The following TNKS variants were observed in gnomAD, a reference collection of about 807,000 sequenced individuals.
TNKS encodes poly [ADP-ribose] polymerase tankyrase-1.
Under a neutral mutation model 135.8 loss-of-function variants are expected in TNKS, and 72 were observed. The observed-to-expected ratio is 0.53, with a 90% CI of 0.44 to 0.64. The LOEUF (loss-of-function observed/expected upper bound fraction) is 0.64. Ranked by LOEUF, TNKS falls within the 30% of genes least tolerant of loss-of-function variation. The probability of loss-of-function intolerance (pLI) is 0.00; values close to 1 mark genes in which losing one functional copy is unlikely to be tolerated. For missense variants in TNKS, 1,769 were observed against 1,674.0 expected (o/e 1.06, Z -0.99); for synonymous variants, 849 against 649.3 (o/e 1.31, Z -4.68).
intron 2 of TNKS, among the ~76,000 whole-genome samples, chr8:9,601,102 A>G (rs754233310): frequency 3.3e-5 from 5 of 152,222 alleles, no homozygotes; most frequent in African/African-American, 1.2e-4. Context: ...ATATCCCATT[A>G]TAAAAATAAC....
At chr8:9,591,484 C>T (rs1798588776) in intron 2 of TNKS, among the ~76,000 whole-genome samples, 1 of 152,186 alleles carries the variant, frequency 6.6e-6, no homozygotes, top group South Asian at 2.1e-4. Context: ...GCACATTGGA[C>T]TGTAAAAGAA....
At position 9,734,948 on chromosome 8, in the gene TNKS, C is replaced by T; in HGVS notation, c.2397C>T (p.Asp799=). ...AGGAAGGAGACACAGATATTCAGGACTTACTGAGAGGGGATGCTGCTTTGT... is the reference window on the plus strand; with the variant it reads ...AGGAAGGAGACACAGATATTCAGGATTTACTGAGAGGGGATGCTGCTTTGT... ...LVKEGDTDIQ[D]LLRGDAALLD... Residue 799 remains aspartate, a synonymous_variant, in exon 16 of 27, where the codon GAC becomes GAT. Coordinates refer to ENST00000310430, the MANE Select transcript of TNKS (RefSeq NM_003747.3). The T allele has an allele frequency of 1.2e-6, 2 of 1,614,176 alleles. No homozygotes were observed. The highest frequency in any genetic ancestry group is 2.2e-5 in the East Asian group (1 of 44,876).
Position 9,719,839 on chromosome 8 carries a change from A to G in TNKS, c.1750-535A>G, listed in dbSNP as rs1804788151. Among the ~76,000 whole-genome samples, 3 of 152,190 alleles carry G rather than the reference A, an allele frequency of 2.0e-5. No individual in the cohort carries two copies. In the South Asian group the frequency reaches 6.2e-4, roughly 31 times the overall value. On this transcript the variant is annotated intron_variant, in intron 11 of 26. Coordinates refer to ENST00000310430, the MANE Select transcript of TNKS (RefSeq NM_003747.3). ...TAACTCTTCAAAGCTTTAAAAAGGA[A>G]TGTTTGAATCCTCAAATCTTTTTTT...
chr8:9,700,046 A>G (rs1803720905), intron 5 of TNKS, among the ~76,000 whole-genome samples: 2 of 152,134 alleles, frequency 1.3e-5, no homozygotes, highest in Non-Finnish European at 2.9e-5. Flanking sequence ...CTCAGCTCAG[A>G]AAGCGTTTCT....
Position 9,637,071 on chromosome 8 carries a change from C to G in TNKS, c.994+21394C>G, listed in dbSNP as rs80254781. Among the ~76,000 whole-genome samples the G allele has an allele frequency of 9.7e-3, 1,483 of 152,204 alleles. 24 individuals carry two copies. The highest frequency in any genetic ancestry group is 0.034 in the African/African-American group (1,412 of 41,500). ...GCAGAAGAATACAGTGAAGAATATG[C>G]TCAAATTTTTTTGAATGAAAGTGGA... On this transcript the variant is annotated intron_variant, in intron 3 of 26. Transcript: ENST00000310430.
chr8:9,656,894 C>G (rs1220618521), intron 3 of TNKS, among the ~76,000 whole-genome samples: 1 of 128,364 alleles, frequency 7.8e-6, no homozygotes, highest in East Asian at 2.2e-4. Context: ...CCATTTAACC[C>G]TGAGTGGACA....
At chr8:9,775,336 A>C (rs1563229617) in intron 26 of TNKS, among the ~76,000 whole-genome samples, 1 of 151,544 alleles carries the variant, frequency 6.6e-6, no homozygotes, top group Non-Finnish European at 1.5e-5. Context: ...TTCAGATTGG[A>C]AAGTCAGGAG....
At chr8:9,770,074 C>T (rs1482134847) in intron 25 of TNKS, 32 bp from the exon 26 acceptor site, 1 of 1,569,838 alleles carries the variant, frequency 6.4e-7, no homozygotes, top group Non-Finnish European at 8.7e-7. Flanking sequence ...TTAAAGCTTC[C>T]TTCAAAGCAT....
chr8:9,736,265 C>T (rs1402052237), intron 17 of TNKS, among the ~76,000 whole-genome samples: 1 of 150,554 alleles, frequency 6.6e-6, no homozygotes, highest in Non-Finnish European at 1.5e-5. Context: ...CGCCTGTAAT[C>T]CCAGCCATTC....
rs1808435293 is a variant in TNKS, at chr8:9,780,951, C to A, written c.*4215C>A. 1 of 152,212 alleles carries A rather than the reference C, an allele frequency of 6.6e-6. No homozygotes were observed. Among genetic ancestry groups the A allele is most frequent in the African/African-American group, 2.4e-5 (1 of 41,454 alleles). The allele number at this position is 152,212 out of a possible 1,614,324, so 9.4% of individuals were successfully genotyped here. On this transcript the variant is annotated 3_prime_UTR_variant, in exon 27 of 27. Transcript: ENST00000310430. ...TTCAGTTGTGTATGTGGGGATACGA[C>A]AGCAACTGTGATACCTTGTAGAATA...
chr8:9,590,207 C>G (rs1228422685), intron 2 of TNKS, among the ~76,000 whole-genome samples: 1 of 152,178 alleles, frequency 6.6e-6, no homozygotes, highest in East Asian at 1.9e-4. Flanking sequence ...CCGTCTACAT[C>G]ATGGACTTCA....
rs75648297 is a variant in TNKS, at chr8:9,584,873, A to C, written c.898+4490A>C. ...AGCTTGCTGGCGTCCACAGCAAATC[A>C]TTCTAAAGATAACAGAGGTGTATGG... On this transcript the variant is annotated intron_variant, in intron 2 of 26. Transcript: ENST00000310430. Among the ~76,000 whole-genome samples the C allele has an allele frequency of 6.2e-3, 940 of 152,306 alleles. 11 individuals carry two copies. The highest frequency in any genetic ancestry group is 0.022 in the African/African-American group (895 of 41,562).
chr8:9,730,856 T>C, intron 13 of TNKS, 34 bp from the exon 14 acceptor site: 1 of 1,591,114 alleles, frequency 6.3e-7, no homozygotes, highest in Non-Finnish European at 8.6e-7. Context: ...GTAATGTTCG[T>C]TTTGTGTTTG....
At chr8:9,571,337 G>C (rs528043421) in intron 1 of TNKS, among the ~76,000 whole-genome samples, 7 of 152,082 alleles carry the variant, frequency 4.6e-5, no homozygotes, top group African/African-American at 1.7e-4. Context: ...TTTGGTAATC[G>C]TCTTAGTCTT....
chr8:9,561,629 T>C (rs1456023705), intron 1 of TNKS, among the ~76,000 whole-genome samples: 1 of 152,200 alleles, frequency 6.6e-6, no homozygotes, highest in Non-Finnish European at 1.5e-5. Flanking sequence ...TGATTCCTGT[T>C]TTGGCTATTA....
chr8:9,657,828 C>T (rs1162461976), intron 3 of TNKS, among the ~76,000 whole-genome samples: 7 of 150,972 alleles, frequency 4.6e-5, no homozygotes, highest in African/African-American at 1.7e-4. Context: ...GGCGGAGAGG[C>T]TCCTCACTTC....
At position 9,727,493 on chromosome 8, in the gene TNKS, C is replaced by CAGG. The variant is rs1805221760; in HGVS notation, c.2001+773_2001+774insAGG. On this transcript the variant is annotated intron_variant, in intron 13 of 26. Transcript: ENST00000310430. Reference sequence around the variant, plus strand: ...GTATTGCCCAGGCAGGCCTCAAACTCCTGGGGCTCAAGCAATCCTCTTGCC... The same window carrying CAGG: ...GTATTGCCCAGGCAGGCCTCAAACTCAGGCTGGGGCTCAAGCAATCCTCTTGCC... Among the ~76,000 whole-genome samples, 3 of 152,132 alleles carry CAGG rather than the reference C, an allele frequency of 2.0e-5. No homozygotes were observed. In the East Asian group the frequency reaches 5.8e-4, roughly 29 times the overall value.
intron 1 of TNKS, among the ~76,000 whole-genome samples, chr8:9,562,153 C>G (rs1040189950): frequency 1.3e-5 from 2 of 151,486 alleles, no homozygotes; most frequent in African/African-American, 4.9e-5. Flanking sequence ...CTTTTTTTTT[C>G]TACTGGGCAC....
chr8:9,662,036 G>A (rs1801740427), intron 3 of TNKS, among the ~76,000 whole-genome samples: 1 of 152,210 alleles, frequency 6.6e-6, no homozygotes, highest in East Asian at 1.9e-4. Flanking sequence ...AAACCACAAT[G>A]AGATACCATC....
Sources: allele counts gnomAD v4.1 joint callset (sites outside exome capture counted in the v4.1 genomes callset), GRCh38; gene constraint gnomAD v4.1.1; transcripts MANE v1.5; gene names NCBI Gene and HGNC (gene_info 2026-07-23, HGNC 2026-07-21).